The following CNTNAP4 variants were observed in gnomAD, a reference collection of about 807,000 sequenced individuals.
CNTNAP4 encodes contactin-associated protein-like 4.
A neutral mutation model predicts 148.4 loss-of-function variants in CNTNAP4; 98 were observed. The observed-to-expected ratio is 0.66, with a 90% CI of 0.56 to 0.78. The LOEUF (loss-of-function observed/expected upper bound fraction) is 0.78. Ranked by LOEUF, CNTNAP4 falls within the 30% of genes least tolerant of loss-of-function variation. The pLI is 0.00. For missense variants in CNTNAP4, 1,935 were observed against 1,565.6 expected (o/e 1.24, Z -3.98); for synonymous variants, 730 against 565.1 (o/e 1.29, Z -4.14).
At chr16:76,316,094 C>G in intron 1 of CNTNAP4, 3 of 413,194 alleles carry the variant, frequency 7.3e-6, no homozygotes, top group East Asian at 3.7e-5. Context: ...CTTTTGGAAA[C>G]CTTAAGTATT....
At chr16:76,408,914 C>A (rs1240526498) in intron 3 of CNTNAP4, among the ~76,000 whole-genome samples, 1 of 151,990 alleles carries the variant, frequency 6.6e-6, no homozygotes, top group African/African-American at 2.4e-5. Context: ...TGAGGAATTG[C>A]TGAAGGTACA....
Position 76,448,892 on chromosome 16 carries a change from G to C in CNTNAP4, c.868G>C (p.Glu290Gln). Residue 290 changes from glutamate (E) to glutamine (Q), a missense_variant, in exon 6 of 24, where the codon GAA becomes CAA. Physicochemically the swap from Glu to Gln is conservative, Grantham distance 29. Coordinates refer to ENST00000611870, the MANE Select transcript of CNTNAP4 (RefSeq NM_033401.5). Reference sequence around the variant, plus strand: ...CAAACAAGTCAACTTCACAGTGGACGAACACAGGCATCATTTCCATGCACG... The same window carrying C: ...CAAACAAGTCAACTTCACAGTGGACCAACACAGGCATCATTTCCATGCACG... Reference protein sequence around the residue: ...LGKQVNFTVDEHRHHFHARGE... With the variant: ...LGKQVNFTVDQHRHHFHARGE... The C allele has an allele frequency of 6.2e-7, 1 of 1,613,698 alleles. No individual in the cohort carries two copies. The highest frequency in any genetic ancestry group is 1.3e-5 in the African/African-American group (1 of 75,014).
chr16:76,498,475 G>C, intron 14 of CNTNAP4, 92 bp from the exon 15 acceptor site: 1 of 1,009,092 alleles, frequency 9.9e-7, no homozygotes, highest in Non-Finnish European at 1.5e-6. Flanking sequence ...CTCTTTTGTA[G>C]GTGCAAATTT....
intron 10 of CNTNAP4, among the ~76,000 whole-genome samples, chr16:76,470,394 A>G (rs946456701): frequency 1.0e-4 from 15 of 150,530 alleles, no homozygotes; most frequent in African/African-American, 3.2e-4. Context: ...TAATCCCAGC[A>G]CTTTGGGAGG....
At chr16:76,283,004 C>T (rs539117726) in intron 1 of CNTNAP4, among the ~76,000 whole-genome samples, 1 of 151,258 alleles carries the variant, frequency 6.6e-6, no homozygotes, top group East Asian at 1.9e-4. Context: ...GAAAATAAAC[C>T]CCCCCACCAA....
intron 3 of CNTNAP4, among the ~76,000 whole-genome samples, chr16:76,395,269 TC>T (rs1191840393): frequency 1.6e-5 from 2 of 126,686 alleles, no homozygotes; most frequent in Non-Finnish European, 1.8e-5. Flanking sequence ...GGCCAAAGAT[TC>T]TTTTTTTTTT....
intron 1 of CNTNAP4, among the ~76,000 whole-genome samples, chr16:76,291,855 T>A (rs1403490508): frequency 6.6e-6 from 1 of 152,208 alleles, no homozygotes; most frequent in African/African-American, 2.4e-5. Context: ...CCATACATTA[T>A]TTCAGTCAAT....
intron 14 of CNTNAP4, 107 bp from the exon 15 acceptor site, chr16:76,498,460 C>G (rs2082483995): frequency 1.3e-6 from 1 of 753,508 alleles, no homozygotes; most frequent in Non-Finnish European, 2.2e-6. Flanking sequence ...GTGACTGGAT[C>G]CATACTCTTT....
At chr16:76,345,932 C>A (rs1964865142) in intron 2 of CNTNAP4, among the ~76,000 whole-genome samples, 1 of 152,060 alleles carries the variant, frequency 6.6e-6, no homozygotes, top group Non-Finnish European at 1.5e-5. Context: ...TAATAATGTC[C>A]CTTCTTGCCT....
rs1959014495 is a variant in CNTNAP4, at chr16:76,289,274, G to T, written c.85+11527G>T. Among the ~76,000 whole-genome samples, 3 of 152,202 alleles carry T rather than the reference G, an allele frequency of 2.0e-5. No homozygotes were observed. The South Asian group carries it at 6.2e-4, about 32-fold the overall frequency. ...TCTCTAGCAATTTGAAAGTAGTACT[G>T]AAAATTACTCTCCACATTATGAGAA... On this transcript the variant is annotated intron_variant, in intron 1 of 23. Transcript: ENST00000611870.
At chr16:76,408,691 A>G (rs62051217) in intron 3 of CNTNAP4, among the ~76,000 whole-genome samples, 54,195 of 152,014 alleles carry the variant, frequency 0.36, 11,112 homozygotes, top group Non-Finnish European at 0.44. Flanking sequence ...GCACCATCAA[A>G]TAATCAGTTG....
chr16:76,523,841 G>C (rs1284362903), intron 17 of CNTNAP4, among the ~76,000 whole-genome samples: 2 of 152,070 alleles, frequency 1.3e-5, no homozygotes, highest in Non-Finnish European at 2.9e-5. Context: ...TGAGGTGGGA[G>C]GATGGTTGAA....
intron 4 of CNTNAP4, 52 bp from the exon 5 acceptor site, chr16:76,447,960 T>TA: frequency 7.4e-7 from 1 of 1,342,772 alleles, no homozygotes; most frequent in Non-Finnish European, 1.1e-6. Context: ...TAAAATGATT[T>TA]AATGGAAAAG....
chr16:76,365,294 G>A (rs1223826023), intron 3 of CNTNAP4, among the ~76,000 whole-genome samples: 1 of 152,162 alleles, frequency 6.6e-6, no homozygotes, highest in Non-Finnish European at 1.5e-5. Context: ...AGTATAGTTT[G>A]AAGTCAGGTA....
chr16:76,521,845 CTG>C (rs2083465013), intron 16 of CNTNAP4, among the ~76,000 whole-genome samples, 192 bp from the exon 17 acceptor site: 1 of 151,958 alleles, frequency 6.6e-6, no homozygotes, highest in Non-Finnish European at 1.5e-5. Flanking sequence ...ATGTATTTAA[CTG>C]TCTCATTTCA....
At chr16:76,422,141 A>G (rs2079212641) in intron 3 of CNTNAP4, among the ~76,000 whole-genome samples, 2 of 152,194 alleles carry the variant, frequency 1.3e-5, no homozygotes, top group Non-Finnish European at 2.9e-5. Flanking sequence ...GTTAAAATAC[A>G]TTCCTAAATT....
At chr16:76,339,984 G>A (rs1253981825) in intron 2 of CNTNAP4, among the ~76,000 whole-genome samples, 2 of 152,192 alleles carry the variant, frequency 1.3e-5, no homozygotes, top group Non-Finnish European at 2.9e-5. Context: ...TCCTGGCTGA[G>A]TGAGAGGCAT....
intron 1 of CNTNAP4, among the ~76,000 whole-genome samples, chr16:76,303,105 G>A (rs1001234345): frequency 6.6e-6 from 1 of 152,146 alleles, no homozygotes; most frequent in Non-Finnish European, 1.5e-5. Flanking sequence ...GCTTGATTAT[G>A]AAATCAAACA....
At chr16:76,300,051 G>A (rs1959785439) in intron 1 of CNTNAP4, among the ~76,000 whole-genome samples, 3 of 152,040 alleles carry the variant, frequency 2.0e-5, no homozygotes, top group African/African-American at 7.2e-5. Flanking sequence ...GTTAAATGAT[G>A]AGTTAATGGG....
Sources: allele counts gnomAD v4.1 joint callset (sites outside exome capture counted in the v4.1 genomes callset), GRCh38; gene constraint gnomAD v4.1.1; transcripts MANE v1.5; gene names NCBI Gene and HGNC (gene_info 2026-07-23, HGNC 2026-07-21).